The following RALGPS2 variants were observed in gnomAD, a reference collection of about 807,000 sequenced individuals.
The protein encoded by RALGPS2 is Ral GEF with PH domain and SH3 binding motif 2, also known as ras-specific guanine nucleotide-releasing factor RalGPS2.
In RALGPS2, 43 loss-of-function variants were observed where a neutral mutation model predicts 86.8. The ratio of observed to expected loss-of-function variants is 0.50; its 90% CI spans 0.39 to 0.64. The LOEUF (loss-of-function observed/expected upper bound fraction) is 0.64, where lower values mean the gene tolerates loss of function less well. RALGPS2 is among the 30% of genes least tolerant of loss of function. The probability of loss-of-function intolerance (pLI) is 0.00; values close to 1 mark genes in which losing one functional copy is unlikely to be tolerated. For synonymous variants in RALGPS2, 243 were observed against 231.3 expected, an observed-to-expected ratio of 1.05 and a Z score of -0.46; for missense variants, 536 against 694.6, an observed-to-expected ratio of 0.77 and a Z score of 2.57.
intron 6 of RALGPS2, among the ~76,000 whole-genome samples, chr1:178,818,947 A>G (rs1179499056): frequency 6.6e-6 from 1 of 151,132 alleles, no homozygotes; most frequent in Non-Finnish European, 1.5e-5. Flanking sequence ...CATCTTAGGC[A>G]GAAGCTACTA....
intron 2 of RALGPS2, among the ~76,000 whole-genome samples, chr1:178,783,096 A>C (rs551278257): frequency 1.4e-4 from 22 of 152,338 alleles, no homozygotes; most frequent in Admixed American, 1.4e-3. Flanking sequence ...CAAAGTCTCT[A>C]ATGAAAAAAA....
intron 6 of RALGPS2, among the ~76,000 whole-genome samples, chr1:178,819,384 CATT>C (rs1655390856): frequency 6.6e-6 from 1 of 152,132 alleles, no homozygotes; most frequent in African/African-American, 2.4e-5. Flanking sequence ...TCACAGCAGG[CATT>C]GTTGTCTGGC....
rs575438484 is a variant in RALGPS2 at position 178,844,527 on chromosome 1, T to G, written c.607+10977T>G. On this transcript the variant is annotated intron_variant, in intron 8 of 19. Coordinates refer to ENST00000367635, the MANE Select transcript of RALGPS2 (RefSeq NM_152663.5). ...AATTGTCTCTTCTGTTGGTTTGCATTCAAGGTAAAAATTAGTCAGCTTGGA... is the reference window on the plus strand; with the variant it reads ...AATTGTCTCTTCTGTTGGTTTGCATGCAAGGTAAAAATTAGTCAGCTTGGA... Among the ~76,000 whole-genome samples the G allele has an allele frequency of 3.9e-5, 6 of 152,320 alleles. No individual in the cohort carries two copies. The East Asian group carries it at 1.2e-3, about 29-fold the overall frequency.
At chr1:178,872,116 T>C (rs1276950184) in intron 8 of RALGPS2, among the ~76,000 whole-genome samples, 3 of 152,222 alleles carry the variant, frequency 2.0e-5, no homozygotes, top group Non-Finnish European at 2.9e-5. Flanking sequence ...TGCTGTAAGC[T>C]GCTTCTAGAT....
chr1:178,883,526 T>TTTA lies in RALGPS2; in HGVS notation c.898_900dup (p.Leu300dup). 2 of 1,610,600 alleles carry TTTA rather than the reference T, an allele frequency of 1.2e-6. No homozygotes were observed. Among genetic ancestry groups the TTTA allele is most frequent in the Non-Finnish European group, 1.7e-6 (2 of 1,176,878 alleles). ...CACGTTCTGCTGCTTCCAGAGAAGA[T>TTTA]TTAGTAGGTCAGTACGTAGTTTTCT... On this transcript the variant is annotated inframe_insertion, in exon 11 of 20. Coordinates refer to ENST00000367635, the MANE Select transcript of RALGPS2 (RefSeq NM_152663.5).
chr1:178,761,741 A>G (rs1652252620), intron 1 of RALGPS2, among the ~76,000 whole-genome samples: 1 of 151,946 alleles, frequency 6.6e-6, no homozygotes, highest in African/African-American at 2.4e-5. Flanking sequence ...TTGTGTTTTT[A>G]GTAGAGACGG....
At chr1:178,861,006 G>A (rs1657969189) in intron 8 of RALGPS2, among the ~76,000 whole-genome samples, 1 of 152,116 alleles carries the variant, frequency 6.6e-6, no homozygotes, top group South Asian at 2.1e-4. Flanking sequence ...AATTTAGTAA[G>A]CATCACAGAA....
chr1:178,735,056 G>A (rs910748350), intron 1 of RALGPS2, among the ~76,000 whole-genome samples: 12 of 152,060 alleles, frequency 7.9e-5, no homozygotes, highest in African/African-American at 2.2e-4. Flanking sequence ...TAGCAGCTTC[G>A]TGATCACTTC....
chr1:178,896,614 C>G (rs1211423425), intron 16 of RALGPS2, among the ~76,000 whole-genome samples: 1 of 147,488 alleles, frequency 6.8e-6, no homozygotes, highest in African/African-American at 2.5e-5. Flanking sequence ...GCTATCCCTC[C>G]CCCGACCCCA....
intron 2 of RALGPS2, among the ~76,000 whole-genome samples, chr1:178,783,027 T>C (rs1028502023): frequency 6.6e-6 from 1 of 152,046 alleles, no homozygotes; most frequent in Admixed American, 6.5e-5. Flanking sequence ...ACCACACTCA[T>C]GAGGCAGAGA....
chr1:178,854,471 G>T (rs1414511111), intron 8 of RALGPS2, among the ~76,000 whole-genome samples: 1 of 152,102 alleles, frequency 6.6e-6, no homozygotes, highest in Non-Finnish European at 1.5e-5. Context: ...TAAACCAGAT[G>T]CCCAAACTCA....
chr1:178,901,817 G>A (rs1228277585), intron 17 of RALGPS2, among the ~76,000 whole-genome samples: 1 of 151,888 alleles, frequency 6.6e-6, no homozygotes, highest in African/African-American at 2.4e-5. Flanking sequence ...AAAAACAACA[G>A]ATTAATATAT....
chr1:178,892,777 T>C (rs1659771825), intron 15 of RALGPS2, among the ~76,000 whole-genome samples: 1 of 152,006 alleles, frequency 6.6e-6, no homozygotes, highest in Non-Finnish European at 1.5e-5. Flanking sequence ...AAATTCATAT[T>C]CATTCAGTTG....
chr1:178,883,962 CTG>C (rs1659369286), intron 11 of RALGPS2, among the ~76,000 whole-genome samples: 1 of 151,830 alleles, frequency 6.6e-6, no homozygotes, highest in Admixed American at 6.6e-5. Context: ...GCACTCCAGC[CTG>C]TGTGACACAG....
intron 6 of RALGPS2, among the ~76,000 whole-genome samples, chr1:178,815,078 G>T (rs969714781): frequency 8.6e-5 from 13 of 151,506 alleles, no homozygotes; most frequent in South Asian, 4.2e-4. Flanking sequence ...TTGTTTGTTT[G>T]TTTTTATTTA....
intron 6 of RALGPS2, among the ~76,000 whole-genome samples, chr1:178,820,289 A>G (rs1169994266): frequency 6.6e-6 from 1 of 152,192 alleles, no homozygotes; most frequent in Non-Finnish European, 1.5e-5. Context: ...ATTCAGTTAT[A>G]TCATTCTCAA....
Position 178,885,144 on chromosome 1 carries a change from C to G in RALGPS2, c.973C>G (p.Gln325Glu), listed in dbSNP as rs766160005. 3 of 1,613,830 alleles carry G rather than the reference C, an allele frequency of 1.9e-6. No homozygotes were observed. Reference sequence around the variant, plus strand: ...GGCAGCTGAAGGAGCCTTGCTCCCACAGACACCGCCATCCCCTCGGAATCT... The same window carrying G: ...GGCAGCTGAAGGAGCCTTGCTCCCAGAGACACCGCCATCCCCTCGGAATCT... ...SVAAEGALLP[Q>E]TPPSPRNLIP... The change falls in exon 12 of 20, where the codon CAG becomes GAG. Residue 325 changes from glutamine to glutamate, a missense_variant. Physicochemically the swap from Gln to Glu is conservative, Grantham distance 29. Transcript: ENST00000367635.
intron 8 of RALGPS2, chr1:178,853,259 A>G (rs1464077590): frequency 1.0e-6 from 1 of 964,174 alleles, no homozygotes; most frequent in Non-Finnish European, 1.2e-6. Flanking sequence ...CTAGTATACT[A>G]CCCAGATCCT....
intron 6 of RALGPS2, among the ~76,000 whole-genome samples, chr1:178,812,257 G>A (rs1016583394): frequency 1.8e-4 from 28 of 152,216 alleles, no homozygotes; most frequent in African/African-American, 6.0e-4. Flanking sequence ...CCCAGAGAAC[G>A]AAGTCCTGAG....
Sources: gnomAD v4.1 joint callset for allele counts (sites outside exome capture counted in the v4.1 genomes callset) on GRCh38, gnomAD v4.1.1 for gene constraint, MANE v1.5 for transcripts, NCBI Gene and HGNC (gene_info 2026-07-23, HGNC 2026-07-21) for gene names.